The following CUX1 variants were observed in gnomAD, a reference collection of about 807,000 sequenced individuals.
CUX1 encodes cut like homeobox 1.
A neutral mutation model predicts 158.8 loss-of-function variants in CUX1; 31 were observed. The ratio of observed to expected loss-of-function variants is 0.20; its 90% CI spans 0.15 to 0.26. The LOEUF (loss-of-function observed/expected upper bound fraction) is 0.26, where lower values mean the gene tolerates loss of function less well. CUX1 is among the 10% of genes least tolerant of loss of function. CUX1 has a pLI of 1.00. For synonymous variants in CUX1, 879 were observed against 862.1 expected (o/e 1.02, Z -0.34); for missense variants, 1,589 against 2,014.6 (o/e 0.79, Z 4.04).
chr7:101,902,100 C>G (rs1166838894), intron 1 of CUX1, among the ~76,000 whole-genome samples: 2 of 152,180 alleles, frequency 1.3e-5, no homozygotes, highest in African/African-American at 4.8e-5. Context: ...GACCTCGCCC[C>G]CTGTTTCATG....
Position 102,060,580 on chromosome 7 carries a change from CATATAT to C in CUX1, c.190-9751_190-9746del, listed in dbSNP as rs1041452973. Among the ~76,000 whole-genome samples, 1,056 of 119,234 alleles carry C rather than the reference CATATAT, an allele frequency of 8.9e-3. 16 individuals are homozygous for C. Among genetic ancestry groups the C allele is most frequent in the African/African-American group, 0.029 (994 of 33,824 alleles). The allele number at this position is 119,234 out of a possible 152,430, so 78.2% of individuals were successfully genotyped here. A position where few individuals can be genotyped will look rare whatever the true frequency, so the allele number is the denominator to read the frequency against. ...ATATATATACACACACACATATATA[CATATAT>C]ATATATACACACACACAAATAAACA... On this transcript the variant is annotated intron_variant, in intron 3 of 23. Coordinates refer to ENST00000292535, the MANE Select transcript of CUX1 (RefSeq NM_181552.4).
At chr7:101,973,077 G>T (rs1343195290) in intron 2 of CUX1, among the ~76,000 whole-genome samples, 4 of 152,234 alleles carry the variant, frequency 2.6e-5, no homozygotes, top group African/African-American at 7.2e-5. Flanking sequence ...GCACCTTCTC[G>T]TACATTTCAG....
intron 21 of CUX1, among the ~76,000 whole-genome samples, chr7:102,229,144 G>A (rs1189404996): frequency 6.6e-6 from 1 of 152,192 alleles, no homozygotes; most frequent in Non-Finnish European, 1.5e-5. Flanking sequence ...AGCCCCTGGG[G>A]AACTCACTCC....
chr7:101,878,607 C>T (rs1212595324), intron 1 of CUX1, among the ~76,000 whole-genome samples: 1 of 151,850 alleles, frequency 6.6e-6, no homozygotes. Flanking sequence ...CTTTTCAATA[C>T]AATGTGATTG....
At chr7:102,074,952 G>C (rs1357468602) in intron 4 of CUX1, among the ~76,000 whole-genome samples, 1 of 152,200 alleles carries the variant, frequency 6.6e-6, no homozygotes, top group East Asian at 1.9e-4. Context: ...TCTGCCTTCT[G>C]GGTTCAAGCG....
chr7:101,901,792 C>T (rs1166912806), intron 1 of CUX1, among the ~76,000 whole-genome samples: 1 of 152,196 alleles, frequency 6.6e-6, no homozygotes. Context: ...GAGCCACAGG[C>T]CCGCGGGTGG....
chr7:101,962,014 C>T (rs981833762), intron 2 of CUX1: 3 of 152,046 alleles, frequency 2.0e-5, no homozygotes, highest in Non-Finnish European at 2.9e-5. Context: ...TGGAAGGAAC[C>T]ATGCCAAAAT....
In CUX1 at chr7:102,251,231, A is replaced by AG; in HGVS notation, c.*2189_*2190insG. On this transcript the variant is annotated 3_prime_UTR_variant, in exon 24 of 24. Coordinates refer to ENST00000292535, the MANE Select transcript of CUX1 (RefSeq NM_181552.4). ...TTATTTCTTAAGTTTAATTAATATT[A>AG]CTTTTTTTTTTATTTGGGGGGTGGG... 1 of 955,442 alleles carries AG rather than the reference A, an allele frequency of 1.0e-6. No individual in the cohort carries two copies. Among genetic ancestry groups the AG allele is most frequent in the Non-Finnish European group, 1.2e-6 (1 of 813,216 alleles). 59.2% of individuals were successfully genotyped at this position (955,442 alleles called of 1,614,324 possible). A position where few individuals can be genotyped will look rare whatever the true frequency, so the allele number is the denominator to read the frequency against.
chr7:101,935,971 T>C (rs1476528464), intron 2 of CUX1, among the ~76,000 whole-genome samples: 3 of 152,118 alleles, frequency 2.0e-5, no homozygotes, highest in African/African-American at 4.8e-5. Flanking sequence ...AGAAACACGC[T>C]CTTAAAACAA....
chr7:101,895,914 T>TTTTTTTG (rs1801450561), intron 1 of CUX1, among the ~76,000 whole-genome samples: 4 of 131,294 alleles, frequency 3.0e-5, no homozygotes, highest in African/African-American at 1.1e-4. Context: ...TTTTGTTTTT[T>TTTTTTTG]TTTTTTTTTT....
Position 102,129,149 on chromosome 7 carries a change from G to A in CUX1, c.674+13876G>A, listed in dbSNP as rs1007512753. Among the ~76,000 whole-genome samples, 2 of 152,078 alleles carry A rather than the reference G, an allele frequency of 1.3e-5. 1 individual carries two copies. Among genetic ancestry groups the A allele is most frequent in the Non-Finnish European group, 2.9e-5 (2 of 68,016 alleles). On this transcript the variant is annotated intron_variant, in intron 8 of 23. Transcript: ENST00000292535. ...TCTTCCCACTCTTAAGAATTATGTC[G>A]CTTTCCATGATGAGTTTGTAAAAAT...
intron 8 of CUX1, among the ~76,000 whole-genome samples, chr7:102,145,895 C>T (rs906797976): frequency 2.0e-5 from 3 of 152,008 alleles, no homozygotes; most frequent in Non-Finnish European, 4.4e-5. Flanking sequence ...TGCGGTGAGT[C>T]GAGATCGTGC....
chr7:102,203,958 G>T (rs1213899960), intron 18 of CUX1, among the ~76,000 whole-genome samples: 1 of 152,150 alleles, frequency 6.6e-6, no homozygotes, highest in African/African-American at 2.4e-5. Context: ...CACCAGCTTC[G>T]CCAGTCCCAC....
At position 102,252,627 on chromosome 7, in the gene CUX1, TC is replaced by T. The variant is rs1462559084; in HGVS notation, c.*3587del. 2 of 985,344 alleles carry T rather than the reference TC, an allele frequency of 2.0e-6. No individual in the cohort carries two copies. The highest frequency in any genetic ancestry group is 2.3e-4 in the East Asian group (2 of 8,822). The allele number at this position is 985,344 out of a possible 1,614,324, so 61.0% of individuals were successfully genotyped here. On this transcript the variant is annotated 3_prime_UTR_variant, in exon 24 of 24. Transcript: ENST00000292535. ...TGCATTTAGCCTCTTGACCCGGAGT[TC>T]CGGCCCAAGCTCCCTTGTGATAGCC...
At chr7:102,017,888 A>G (rs1034391843) in intron 2 of CUX1, among the ~76,000 whole-genome samples, 1 of 152,168 alleles carries the variant, frequency 6.6e-6, no homozygotes, top group Non-Finnish European at 1.5e-5. Context: ...TTCCAAATCT[A>G]TTGATGTAAT....
intron 2 of CUX1, among the ~76,000 whole-genome samples, chr7:101,942,870 G>A (rs962697201): frequency 3.9e-5 from 6 of 152,194 alleles, no homozygotes; most frequent in South Asian, 4.1e-4. Flanking sequence ...GGGCTTCGCT[G>A]CACACGGACC....
At position 101,843,753 on chromosome 7, in the gene CUX1, A is replaced by G. The variant is rs567443850; in HGVS notation, c.30+26084A>G. Among the ~76,000 whole-genome samples the G allele has an allele frequency of 3.3e-5, 5 of 152,314 alleles. No homozygotes were observed. The South Asian group carries it at 1.0e-3, about 32-fold the overall frequency. ...AGCCTGTTGAGATCGTTTAGATTCT[A>G]GGATAATGGTGCCATATAGGACTGT... On this transcript the variant is annotated intron_variant, in intron 1 of 23. Transcript: ENST00000292535.
chr7:102,217,386 C>T (rs1159787610), intron 20 of CUX1, among the ~76,000 whole-genome samples: 6 of 152,264 alleles, frequency 3.9e-5, no homozygotes, highest in East Asian at 3.8e-4. Context: ...TCCCCGCCCG[C>T]GGGTGAGCTC....
At chr7:102,031,670 T>C (rs970125329) in intron 3 of CUX1, among the ~76,000 whole-genome samples, 1 of 152,168 alleles carries the variant, frequency 6.6e-6, no homozygotes, top group Admixed American at 6.6e-5. Context: ...TTATTATGTA[T>C]ACTTAAGGTA....
Sources: gnomAD v4.1 joint callset for allele counts (sites outside exome capture counted in the v4.1 genomes callset) on GRCh38, gnomAD v4.1.1 for gene constraint, MANE v1.5 for transcripts, NCBI Gene and HGNC (gene_info 2026-07-23, HGNC 2026-07-21) for gene names.